LINC00305: variants seen among roughly 807,000 people sequenced by gnomAD.
The protein encoded by LINC00305 is long intergenic non-protein coding RNA 305.
chr18:64,108,376 A>T (rs78063296), intron 1 of LINC00305, among the ~76,000 whole-genome samples: 1 of 152,192 alleles, frequency 6.6e-6, no homozygotes, highest in Non-Finnish European at 1.5e-5. Flanking sequence ...TAGCATGATA[A>T]GTTGACTGTG....
intron 3 of LINC00305, among the ~76,000 whole-genome samples, chr18:64,094,889 A>AATAAATAAATAAATAATAC: frequency 6.8e-6 from 1 of 146,974 alleles, no homozygotes; most frequent in Admixed American, 6.8e-5. Flanking sequence ...ATAAATAATA[A>AATAAATAAATAAATAATAC]AATAAAATAA....
chr18:64,108,461 A>G (rs1482063876), intron 1 of LINC00305, among the ~76,000 whole-genome samples: 1 of 152,212 alleles, frequency 6.6e-6, no homozygotes, highest in Non-Finnish European at 1.5e-5. Context: ...GTAGGTAACT[A>G]TGCTAGTTCA....
At chr18:64,141,153 C>T (rs916923467) in intron 1 of LINC00305, among the ~76,000 whole-genome samples, 5 of 151,184 alleles carry the variant, frequency 3.3e-5, no homozygotes, top group African/African-American at 4.9e-5. Context: ...CTTTAAGAAG[C>T]GACTCAACTG....
chr18:64,113,213 C>T (rs2051322856), intron 1 of LINC00305, among the ~76,000 whole-genome samples: 1 of 152,230 alleles, frequency 6.6e-6, no homozygotes, highest in Non-Finnish European at 1.5e-5. Context: ...AACTACATTT[C>T]ACTCTGCCAC....
At chr18:64,121,319 A>G (rs1276674760) in intron 1 of LINC00305, among the ~76,000 whole-genome samples, 4 of 151,942 alleles carry the variant, frequency 2.6e-5, no homozygotes, top group African/African-American at 9.7e-5. Flanking sequence ...GCTGTACCCC[A>G]AAACCTCCGT....
At chr18:64,099,556 T>C (rs906839078) in intron 1 of LINC00305, among the ~76,000 whole-genome samples, 1 of 152,164 alleles carries the variant, frequency 6.6e-6, no homozygotes, top group African/African-American at 2.4e-5. Context: ...CTCCTGAAAA[T>C]AAAAATCTTT....
intron 3 of LINC00305, among the ~76,000 whole-genome samples, chr18:64,089,954 G>T (rs1436629661): frequency 6.6e-6 from 1 of 152,136 alleles, no homozygotes; most frequent in Non-Finnish European, 1.5e-5. Flanking sequence ...GATGAGATTT[G>T]GGTGGGGACA....
At chr18:64,117,289 C>A (rs529586240) in intron 1 of LINC00305, among the ~76,000 whole-genome samples, 3 of 152,276 alleles carry the variant, frequency 2.0e-5, no homozygotes, top group Non-Finnish European at 4.4e-5. Flanking sequence ...AACTAAGTGA[C>A]CCCACCATGA....
At chr18:64,116,224 C>G (rs1046664535) in intron 1 of LINC00305, among the ~76,000 whole-genome samples, 2 of 152,088 alleles carry the variant, frequency 1.3e-5, no homozygotes, top group African/African-American at 4.8e-5. Context: ...AAAAGTGGGT[C>G]TCAGGATGAA....
In LINC00305 at chr18:64,113,525, C is replaced by G. The variant is rs145144014; in HGVS notation, n.315-14885G>C. Among the ~76,000 whole-genome samples the G allele has an allele frequency of 4.2e-3, 643 of 152,290 alleles. 6 individuals are homozygous for G. Among genetic ancestry groups the G allele is most frequent in the African/African-American group, 0.015 (621 of 41,538 alleles). ...GCTTGCACATAATGGAAGGGAAGCA[C>G]TTATAAGACTTACAAGACCCACAGG... On this transcript the variant is annotated intron_variant and non_coding_transcript_variant, in intron 1 of 3. Coordinates refer to ENST00000666468, the Ensembl canonical transcript of LINC00305.
At chr18:64,109,136 T>A (rs992783885) in intron 1 of LINC00305, among the ~76,000 whole-genome samples, 1 of 152,188 alleles carries the variant, frequency 6.6e-6, no homozygotes, top group African/African-American at 2.4e-5. Flanking sequence ...TTTGATCCTA[T>A]GGGAGGTACT....
chr18:64,095,968 A>G (rs1599208607), intron 3 of LINC00305, among the ~76,000 whole-genome samples: 2 of 152,112 alleles, frequency 1.3e-5, no homozygotes, highest in South Asian at 4.1e-4. Context: ...GAACATTTGG[A>G]ATTTCAACAA....
At chr18:64,145,421 T>A (rs538990374) in intron 1 of LINC00305, among the ~76,000 whole-genome samples, 1 of 152,140 alleles carries the variant, frequency 6.6e-6, no homozygotes, top group African/African-American at 2.4e-5. Context: ...CAGTGCATTG[T>A]TGGCACCATG....
rs186470629 is a variant in LINC00305, at chr18:64,098,991, G to A, written n.315-351C>T. On this transcript the variant is annotated intron_variant and non_coding_transcript_variant, in intron 1 of 3. Transcript: ENST00000666468. ...AACCTCAGTCATCCCATGAATAGAAGGAAAGTGGGGTGTTTGAGCAGAGAG... is the reference window on the plus strand; with the variant it reads ...AACCTCAGTCATCCCATGAATAGAAAGAAAGTGGGGTGTTTGAGCAGAGAG... 7.7e-3 allele frequency among the ~76,000 whole-genome samples: 1,176 copies of A among 152,242 alleles called. 7 individuals are homozygous for A. The highest frequency in any genetic ancestry group is 0.013 in the Non-Finnish European group (899 of 68,000).
chr18:64,147,671 A>G (rs1444132817), intron 1 of LINC00305, among the ~76,000 whole-genome samples: 1 of 152,122 alleles, frequency 6.6e-6, no homozygotes, highest in Non-Finnish European at 1.5e-5. Context: ...ATTACTCAGT[A>G]TTTTAGTTGT....
At chr18:64,082,558 G>T (rs1456467708) in intron 3 of LINC00305, among the ~76,000 whole-genome samples, 1 of 152,096 alleles carries the variant, frequency 6.6e-6, no homozygotes, top group East Asian at 1.9e-4. Flanking sequence ...GAATCCTTTG[G>T]GCAGCTACAG....
chr18:64,140,389 A>G (rs1049967248), intron 1 of LINC00305, among the ~76,000 whole-genome samples: 1 of 151,958 alleles, frequency 6.6e-6, no homozygotes, highest in African/African-American at 2.4e-5. Flanking sequence ...TTGTGTTTTT[A>G]GTTGAGACAG....
At chr18:64,147,371 G>C (rs1272015435) in intron 1 of LINC00305, 1 of 152,160 alleles carries the variant, frequency 6.6e-6, no homozygotes, top group African/African-American at 2.4e-5. Context: ...ATGAGTTTAT[G>C]TGAGTTAAAG....
At chr18:64,136,528 G>A (rs1003622991) in intron 1 of LINC00305, among the ~76,000 whole-genome samples, 1 of 152,084 alleles carries the variant, frequency 6.6e-6, no homozygotes, top group Non-Finnish European at 1.5e-5. Context: ...AACAGCATGG[G>A]GCAAACCACC....
Sources: allele counts gnomAD v4.1 joint callset (sites outside exome capture counted in the v4.1 genomes callset), GRCh38; gene constraint gnomAD v4.1.1; transcripts MANE v1.5; gene names NCBI Gene and HGNC (gene_info 2026-07-23, HGNC 2026-07-21).